The following TTC21B variants were observed in gnomAD, a reference collection of about 807,000 sequenced individuals.
TTC21B encodes the protein tetratricopeptide repeat domain 21B.
Under a neutral mutation model 175.1 loss-of-function variants are expected in TTC21B, and 127 were observed. The observed-to-expected ratio is 0.73, with a 90% CI of 0.63 to 0.84. TTC21B has a LOEUF of 0.84. Ranked by LOEUF, TTC21B falls within the 40% of genes least tolerant of loss-of-function variation. The pLI, the probability that TTC21B is intolerant of heterozygous loss-of-function variation, is 0.00. For missense variants in TTC21B, 1,561 were observed against 1,558.3 expected, an observed-to-expected ratio of 1.00 and a Z score of -0.03; for synonymous variants, 524 against 524.5, an observed-to-expected ratio of 1.00 and a Z score of 0.01.
chr2:165,883,892 A>C lies in TTC21B; in HGVS notation c.3586T>G (p.Phe1196Val), dbSNP rs754307147. 33 of 1,613,830 alleles carry C rather than the reference A, an allele frequency of 2.0e-5. No homozygotes were observed. The highest frequency in any genetic ancestry group is 2.5e-5 in the Non-Finnish European group (30 of 1,179,994). ...MNWNAIDAEE[F>V]EKSWLLLADI... is the part of the protein sequence containing the mutation. Reference sequence around the variant, plus strand: ...GCAAGTAGCAGCCAACTCTTCTCAAACTCTTCAGCATCAATAGCATTCCAA... The same window carrying C: ...GCAAGTAGCAGCCAACTCTTCTCAACCTCTTCAGCATCAATAGCATTCCAA... Residue 1196 changes from phenylalanine to valine, a missense_variant, in exon 26 of 29, where the codon TTT (phenylalanine) becomes GTT (valine). Physicochemically the swap from Phe to Val is conservative, Grantham distance 50. Coordinates refer to ENST00000243344, the MANE Select transcript of TTC21B (RefSeq NM_024753.5).
Position 165,941,180 on chromosome 2 carries a change from T to C in TTC21B, c.557A>G (p.Gln186Arg), listed in dbSNP as rs938051900. 2.5e-6 allele frequency: 4 copies of C among 1,613,764 alleles called. No individual in the cohort carries two copies. Among genetic ancestry groups the C allele is most frequent in the African/African-American group, 2.7e-5 (2 of 74,914 alleles). ...ATAATTCTGGCGCATCTCAAGGCAT[T>C]GTGCCTAATGGAAGGGAAAAAAAGT... is the stretch of plus-strand genomic sequence containing the variant. Reference protein sequence around the residue: ...NDTFALLGKAQCLEMRQNYSG... With the variant: ...NDTFALLGKARCLEMRQNYSG... The change falls in exon 6 of 29, where the codon CAA (glutamine) becomes CGA (arginine). Residue 186 changes from glutamine (Q) to arginine (R), a missense_variant. By Grantham distance (43) the Gln-to-Arg change is conservative. Transcript: ENST00000243344.
At position 165,919,386 on chromosome 2, in the gene TTC21B, T is replaced by G. The variant is rs759449574; in HGVS notation, c.1564A>C (p.Asn522His). The G allele has an allele frequency of 4.3e-6, 7 of 1,613,930 alleles. No individual in the cohort carries two copies. Among genetic ancestry groups the G allele is most frequent in the Middle Eastern group, 1.6e-4 (1 of 6,084 alleles). ...AGATGAGCATCAGCATAAGAGGGAT[T>G]GTGTTCTAAGCAGTGCTGAAGGTTA... ...FNNLQHCLEH[N>H]PSYADAHLLL... The change falls in exon 13 of 29, where the codon AAT (asparagine) becomes CAT (histidine). Residue 522 changes from asparagine to histidine, a missense_variant. Physicochemically the swap from Asn to His is moderately conservative, Grantham distance 68 (BLOSUM62 1). Transcript: ENST00000243344.
rs773662917 is a variant in TTC21B at position 165,874,732 on chromosome 2, C to G, written c.*23G>C. ...AGATTTCTTTCATTTCCTGTTAAAC[C>G]AACACCTAAGTTAAAATTATTTTCA... is the stretch of plus-strand genomic sequence containing the variant. On this transcript the variant is annotated 3_prime_UTR_variant, in exon 29 of 29. Coordinates refer to ENST00000243344, the MANE Select transcript of TTC21B (RefSeq NM_024753.5). 16 of 1,603,102 alleles carry G rather than the reference C, an allele frequency of 1.0e-5. No homozygotes were observed. The highest frequency in any genetic ancestry group is 1.4e-5 in the Non-Finnish European group (16 of 1,170,228).
intron 13 of TTC21B, 70 bp downstream of exon 13, chr2:165,919,206 C>T: frequency 1.3e-6 from 2 of 1,574,634 alleles, no homozygotes; most frequent in Middle Eastern, 1.8e-4. Context: ...GGCTAAAACA[C>T]AAAATACTTG....
At chr2:165,915,039 G>A (rs1686111693) in intron 15 of TTC21B, among the ~76,000 whole-genome samples, 162 bp downstream of exon 15, 1 of 152,004 alleles carries the variant, frequency 6.6e-6, no homozygotes, top group Admixed American at 6.6e-5. Flanking sequence ...CAAATAACTT[G>A]GTTAGAGTGA....
intron 15 of TTC21B, among the ~76,000 whole-genome samples, chr2:165,914,694 T>TAC: frequency 2.0e-5 from 3 of 148,822 alleles, no homozygotes; most frequent in African/African-American, 7.7e-5. Context: ...TGTGTGTGTG[T>TAC]GTGTTGTGTA....
chr2:165,907,901 G>A (rs559855472), intron 18 of TTC21B, 117 bp from the exon 19 acceptor site: 9 of 683,930 alleles, frequency 1.3e-5, no homozygotes, highest in Admixed American at 8.2e-5. Context: ...TAGTGAATAC[G>A]GTTAAAATTT....
upstream of TTC21B, chr2:165,953,776 CAGCTCCCCTAGCCTCCCGGAGCGCTCT>C (rs1213205180): frequency 1.3e-5 from 20 of 1,544,226 alleles, no homozygotes; most frequent in Non-Finnish European, 1.4e-5. Flanking sequence ...ACGCAGAATT[CAGCTCCCCTAGCCTCCCGGAGCGCTCT>C]AGCGCCCCGG....
At chr2:165,892,357 G>C (rs941134137) in intron 22 of TTC21B, among the ~76,000 whole-genome samples, 2 of 152,068 alleles carry the variant, frequency 1.3e-5, no homozygotes, top group African/African-American at 2.4e-5. Context: ...CAACTTTCCT[G>C]AGTATATACC....
At chr2:165,899,381 G>A (rs1685477636) in intron 21 of TTC21B, among the ~76,000 whole-genome samples, 2 of 152,118 alleles carry the variant, frequency 1.3e-5, no homozygotes, top group Admixed American at 6.6e-5. Context: ...CTGATAATAT[G>A]AAGTTGTTTT....
At chr2:165,951,507 A>G (rs1028501876) in intron 1 of TTC21B, among the ~76,000 whole-genome samples, 6 of 151,908 alleles carry the variant, frequency 3.9e-5, no homozygotes, top group Non-Finnish European at 7.4e-5. Flanking sequence ...TCATATTTCC[A>G]TTTTCCACCT....
At chr2:165,943,115 T>C (rs546299184) in intron 5 of TTC21B, 104 bp downstream of exon 5, 3 of 1,110,828 alleles carry the variant, frequency 2.7e-6, no homozygotes, top group South Asian at 1.3e-5. Context: ...GACAACAGTA[T>C]CATGAAAATT....
At position 165,943,293 on chromosome 2, in the gene TTC21B, A is replaced by G. The variant is rs1440074117; in HGVS notation, c.478T>C (p.Tyr160His). The G allele has an allele frequency of 6.2e-7, 1 of 1,611,848 alleles. No homozygotes were observed. The highest frequency in any genetic ancestry group is 8.5e-7 in the Non-Finnish European group (1 of 1,177,992). The change falls in exon 5 of 29, where the codon TAC (tyrosine) becomes CAC (histidine). Residue 160 changes from tyrosine (Y) to histidine (H), a missense_variant. Coordinates refer to ENST00000243344, the MANE Select transcript of TTC21B (RefSeq NM_024753.5). ...WLDITRGKEPYTKKALKYFEE... is the reference protein window; with the variant it reads ...WLDITRGKEPHTKKALKYFEE... ...AAATACTTCAGTGCTTTTTTAGTGT[A>G]AGGCTCTTTTCCTCTTGTAATATCA...
intron 18 of TTC21B, among the ~76,000 whole-genome samples, chr2:165,909,394 T>C (rs1314234151): frequency 6.6e-6 from 1 of 151,980 alleles, no homozygotes; most frequent in East Asian, 1.9e-4. Flanking sequence ...AGATATATGA[T>C]CATTAAATAT....
chr2:165,899,808 G>T lies in TTC21B; in HGVS notation c.2830C>A (p.Leu944Met), dbSNP rs1685490402. 1 of 1,613,998 alleles carries T rather than the reference G, an allele frequency of 6.2e-7. No homozygotes were observed. Among genetic ancestry groups the T allele is most frequent in the Non-Finnish European group, 8.5e-7 (1 of 1,179,880 alleles). The change falls in exon 21 of 29, where the codon CTG (leucine) becomes ATG (methionine). Residue 944 changes from leucine to methionine, a missense_variant. Transcript: ENST00000243344. ...PDSCLRQCAL[L>M]LQSDQDNEAA... ...TCGTTATCCTGGTCACTCTGAAGCA[G>T]TAGAGCACACTGCCGCAGGCAGGAA...
chr2:165,950,483 C>T (rs546235919), intron 1 of TTC21B, among the ~76,000 whole-genome samples: 2 of 152,294 alleles, frequency 1.3e-5, no homozygotes, highest in East Asian at 1.9e-4. Context: ...CTAGGATACA[C>T]CTGATTCACC....
chr2:165,953,550 C>A, intron 1 of TTC21B, 135 bp downstream of exon 1: 1 of 1,452,696 alleles, frequency 6.9e-7, no homozygotes, highest in Non-Finnish European at 9.3e-7. Context: ...CCCCGCAACC[C>A]GAGCAGCCGG....
intron 10 of TTC21B, 73 bp from the exon 11 acceptor site, chr2:165,929,408 T>C: frequency 1.6e-6 from 2 of 1,239,208 alleles, no homozygotes; most frequent in Non-Finnish European, 2.3e-6. Flanking sequence ...AGATTTCAAA[T>C]GCATATAATG....
chr2:165,900,092 T>TAA (rs990710164), intron 20 of TTC21B, among the ~76,000 whole-genome samples: 1 of 146,930 alleles, frequency 6.8e-6, no homozygotes, highest in African/African-American at 2.5e-5. Flanking sequence ...AAACAGGTAG[T>TAA]AACTCACTTC....
Sources: allele counts gnomAD v4.1 joint callset (sites outside exome capture counted in the v4.1 genomes callset), GRCh38; gene constraint gnomAD v4.1.1; transcripts MANE v1.5; gene names NCBI Gene and HGNC (gene_info 2026-07-23, HGNC 2026-07-21).